ADGRG6: variants seen among roughly 807,000 people sequenced by gnomAD.
The protein encoded by ADGRG6 is adhesion G protein-coupled receptor G6, also known as G-protein coupled receptor 126.
Under a neutral mutation model 142.4 loss-of-function variants are expected in ADGRG6, and 84 were observed. The observed-to-expected ratio is 0.59, with a 90% CI of 0.49 to 0.71. The LOEUF is 0.71. Ranked by LOEUF, ADGRG6 falls within the 30% of genes least tolerant of loss-of-function variation. ADGRG6 has a pLI of 0.00. For missense variants in ADGRG6, 1,367 were observed against 1,466.6 expected (o/e 0.93, Z 1.11); for synonymous variants, 521 against 520.5 (o/e 1.00, Z -0.01).
chr6:142,385,023 T>C (rs1475722693), intron 6 of ADGRG6, among the ~76,000 whole-genome samples: 1 of 151,928 alleles, frequency 6.6e-6, no homozygotes, highest in African/African-American at 2.4e-5. Context: ...CTCTAGCCAG[T>C]AGATGGGAAT....
intron 2 of ADGRG6, among the ~76,000 whole-genome samples, chr6:142,316,276 T>G (rs944012992): frequency 7.2e-5 from 11 of 152,146 alleles, no homozygotes; most frequent in Non-Finnish European, 1.5e-5. Flanking sequence ...GTGCTGCTGG[T>G]TTAGATAAAA....
At chr6:142,416,486 T>C (rs1776365602) in intron 20 of ADGRG6, among the ~76,000 whole-genome samples, 2 of 152,336 alleles carry the variant, frequency 1.3e-5, no homozygotes, top group South Asian at 2.1e-4. Flanking sequence ...TATTCTTGCG[T>C]GTGCAACCAG....
chr6:142,380,624 T>A (rs1781727012), intron 4 of ADGRG6, among the ~76,000 whole-genome samples: 1 of 152,218 alleles, frequency 6.6e-6, no homozygotes, highest in Admixed American at 6.5e-5. Flanking sequence ...AAATTCTGTC[T>A]GCCAGTAAAA....
At chr6:142,423,313 T>A (rs1249143001) in intron 22 of ADGRG6, among the ~76,000 whole-genome samples, 2 of 148,640 alleles carry the variant, frequency 1.3e-5, no homozygotes, top group Non-Finnish European at 3.0e-5. Flanking sequence ...AACGTTTAAA[T>A]CTTTAATCCA....
At chr6:142,332,536 C>T (rs73578337) in intron 2 of ADGRG6, among the ~76,000 whole-genome samples, 2,204 of 149,790 alleles carry the variant, frequency 0.015, 49 homozygotes, top group African/African-American at 0.051. Flanking sequence ...GCAGAGTTGA[C>T]GTTCTGCTGG....
At chr6:142,425,198 C>T (rs1776880162) in intron 22 of ADGRG6, among the ~76,000 whole-genome samples, 1 of 152,080 alleles carries the variant, frequency 6.6e-6, no homozygotes, top group Non-Finnish European at 1.5e-5. Flanking sequence ...ATTGGATGTG[C>T]ACTTTGTAAA....
In ADGRG6 at chr6:142,402,738, A is replaced by T; in HGVS notation, c.1863A>T (p.Glu621Asp). 6.3e-7 allele frequency: 1 copy of T among 1,598,832 alleles called. No individual in the cohort carries two copies. The highest frequency in any genetic ancestry group is 8.6e-7 in the Non-Finnish European group (1 of 1,166,664). ...TCAAAAGAATTGTGAATAAAGAAGA[A>T]AACATTGATATAACACTTGGCTCAA... ...EQVKRIVNKE[E>D]NIDITLGSTL... Residue 621 changes from glutamate to aspartate, a missense_variant, in exon 13 of 25, where the codon GAA becomes GAT. This residue lies in a region of ADGRG6 where 737 missense variants were observed against 746.5 expected (regional missense o/e 0.99). Coordinates refer to ENST00000367609, the MANE Select transcript of ADGRG6 (RefSeq NM_198569.3).
rs115190698 is a variant in ADGRG6 at position 142,335,368 on chromosome 6, A to T, written c.103+25724A>T. ...AAGGAGGATTGGAAGGGAAGTAGAA[A>T]AAGTTAGGTGAGAAAATCGAAGGCC... On this transcript the variant is annotated intron_variant, in intron 2 of 24. Coordinates refer to ENST00000367609, the MANE Select transcript of ADGRG6 (RefSeq NM_198569.3). 7.4e-3 allele frequency among the ~76,000 whole-genome samples: 1,122 copies of T among 152,278 alleles called. 15 individuals are homozygous for T. The highest frequency in any genetic ancestry group is 0.025 in the African/African-American group (1,038 of 41,538).
intron 9 of ADGRG6, 32 bp from the exon 10 acceptor site, chr6:142,397,581 C>G: frequency 6.3e-7 from 1 of 1,593,924 alleles, no homozygotes; most frequent in Non-Finnish European, 8.5e-7. Context: ...CAATGAACAA[C>G]AACAACAGTT....
Position 142,417,345 on chromosome 6 carries a change from A to G in ADGRG6, c.3011A>G (p.Tyr1004Cys), listed in dbSNP as rs1325584367. Residue 1004 changes from tyrosine (Y) to cysteine (C), a missense_variant, in exon 21 of 25, where the codon TAT becomes TGT. Transcript: ENST00000367609. The stretch of plus-strand genomic sequence containing the variant: ...AATGAAGTCTATGGAAAAGAAAGTT[A>G]TGGGAAAGAAAAAGGTGATGAATTG... Reference protein sequence around the residue: ...NNNEVYGKESYGKEKGDEFCW... With the variant: ...NNNEVYGKESCGKEKGDEFCW... The G allele has an allele frequency of 1.1e-5, 18 of 1,580,666 alleles. 1 individual carries two copies. Among genetic ancestry groups the G allele is most frequent in the South Asian group, 4.5e-5 (4 of 89,132 alleles).
chr6:142,376,317 G>C (rs1562349376), intron 4 of ADGRG6, among the ~76,000 whole-genome samples: 1 of 152,142 alleles, frequency 6.6e-6, no homozygotes, highest in Non-Finnish European at 1.5e-5. Flanking sequence ...TGAGGGAGTG[G>C]TACAGTATAA....
At chr6:142,339,952 T>C (rs1375959130) in intron 2 of ADGRG6, among the ~76,000 whole-genome samples, 1 of 152,146 alleles carries the variant, frequency 6.6e-6, no homozygotes, top group Non-Finnish European at 1.5e-5. Context: ...GTAGTTGGCA[T>C]TGGAAATTTT....
rs1777247744 is a variant in ADGRG6, at chr6:142,302,121, G to A, written c.-209G>A. On this transcript the variant is annotated 5_prime_UTR_variant, in exon 1 of 25. Transcript: ENST00000367609. ...CGCCAGCCTGCTTCCTCGTCCGCAG[G>A]CCCTGCGCTGAACGCTGCCGCGCCC... The A allele has an allele frequency of 3.5e-6, 2 of 568,414 alleles. No individual in the cohort carries two copies. Among genetic ancestry groups the A allele is most frequent in the Non-Finnish European group, 3.1e-6 (1 of 323,172 alleles). The allele number at this position is 568,414 out of a possible 1,614,324, so 35.2% of individuals were successfully genotyped here.
chr6:142,409,383 A>G (rs939753983), intron 16 of ADGRG6, among the ~76,000 whole-genome samples: 3 of 152,118 alleles, frequency 2.0e-5, no homozygotes, highest in African/African-American at 7.2e-5. Flanking sequence ...TTGTATGTAT[A>G]TACTAGATTT....
chr6:142,354,279 T>A (rs897296788), intron 2 of ADGRG6, among the ~76,000 whole-genome samples: 1 of 152,212 alleles, frequency 6.6e-6, no homozygotes, highest in Non-Finnish European at 1.5e-5. Flanking sequence ...CTCAGGAGGC[T>A]GAGGCAAGAG....
chr6:142,422,850 T>C (rs1322940206), intron 22 of ADGRG6, among the ~76,000 whole-genome samples: 2 of 135,260 alleles, frequency 1.5e-5, no homozygotes, highest in East Asian at 2.2e-4. Context: ...TTTTAATGAT[T>C]GCCATTCTAA....
rs371812443 is a variant in ADGRG6, at chr6:142,394,787, A to G, written c.1424+829A>G. Reference sequence around the variant, plus strand: ...ATTTTTGTAGAGACTGGGTCTTGCTATGTTGCTCAGGCTCATCTCAAACTC... The same window carrying G: ...ATTTTTGTAGAGACTGGGTCTTGCTGTGTTGCTCAGGCTCATCTCAAACTC... On this transcript the variant is annotated intron_variant, in intron 9 of 24. Coordinates refer to ENST00000367609, the MANE Select transcript of ADGRG6 (RefSeq NM_198569.3). Among the ~76,000 whole-genome samples, 63 of 152,032 alleles carry G rather than the reference A, an allele frequency of 4.1e-4. No individual in the cohort carries two copies. The South Asian group carries it at 8.9e-3, about 22-fold the overall frequency.
At position 142,336,121 on chromosome 6, in the gene ADGRG6, A is replaced by G. The variant is rs184577546; in HGVS notation, c.103+26477A>G. ...ATGATAGCAGTGCCTCTCTGTGTGC[A>G]GGTCTATGTGCAGGTCTTCCATGCA... On this transcript the variant is annotated intron_variant, in intron 2 of 24. Coordinates refer to ENST00000367609, the MANE Select transcript of ADGRG6 (RefSeq NM_198569.3). Among the ~76,000 whole-genome samples, 114 of 152,272 alleles carry G rather than the reference A, an allele frequency of 7.5e-4. No individual in the cohort carries two copies. In the East Asian group the frequency reaches 0.017, roughly 23 times the overall value.
In ADGRG6 at chr6:142,444,761, T is replaced by C. The variant is rs1165861281; in HGVS notation, c.*1246T>C. On this transcript the variant is annotated 3_prime_UTR_variant, in exon 25 of 25. Transcript: ENST00000367609. ...CAGACTATTCTGAGTAATGCTTGCT[T>C]GCTAATGAATGTATAGGAGACCACA... 6.6e-6 allele frequency: 1 copy of C among 152,162 alleles called. No homozygotes were observed. Among genetic ancestry groups the C allele is most frequent in the African/African-American group, 2.4e-5 (1 of 41,446 alleles). The allele number at this position is 152,162 out of a possible 1,614,324, so 9.4% of individuals were successfully genotyped here. A position where few individuals can be genotyped will look rare whatever the true frequency, so the allele number is the denominator to read the frequency against.
Sources: gnomAD v4.1 joint callset for allele counts (sites outside exome capture counted in the v4.1 genomes callset) on GRCh38, gnomAD v4.1.1 for gene constraint, gnomAD v4.1.1 regional missense constraint, MANE v1.5 for transcripts, NCBI Gene and HGNC (gene_info 2026-07-23, HGNC 2026-07-21) for gene names.